Variants in ATAD2B observed in about 807,000 individuals in gnomAD.
The protein encoded by ATAD2B is ATPase family AAA domain containing 2B.
A neutral mutation model predicts 167.6 loss-of-function variants in ATAD2B; 40 were observed. That is an observed-to-expected ratio of 0.24 (90% CI 0.19 to 0.31). ATAD2B has a LOEUF of 0.31. Ranked by LOEUF, ATAD2B falls within the 10% of genes least tolerant of loss-of-function variation. ATAD2B has a pLI of 1.00. For missense variants in ATAD2B, 1,242 were observed against 1,757.2 expected, an observed-to-expected ratio of 0.71 and a Z score of 5.24; for synonymous variants, 579 against 596.5, an observed-to-expected ratio of 0.97 and a Z score of 0.43.
At chr2:23,774,284 T>C (rs1346071845) in intron 22 of ATAD2B, among the ~76,000 whole-genome samples, 1 of 152,088 alleles carries the variant, frequency 6.6e-6, no homozygotes, top group East Asian at 1.9e-4. Context: ...ATCCCATCTC[T>C]ACAAAAAATT....
chr2:23,731,538 C>G, the ATAD2B span, among the ~76,000 whole-genome samples: 1 of 152,168 alleles, frequency 6.6e-6, no homozygotes, highest in Non-Finnish European at 1.5e-5. Flanking sequence ...AGAGTTAAGT[C>G]TCTAGATCAG....
intron 22 of ATAD2B, among the ~76,000 whole-genome samples, chr2:23,772,429 A>T (rs939686154): frequency 6.6e-6 from 1 of 152,208 alleles, no homozygotes; most frequent in Non-Finnish European, 1.5e-5. Context: ...CAATGTTTGT[A>T]GCCTATGCAA....
At chr2:23,722,397 T>C in the ATAD2B span, among the ~76,000 whole-genome samples, 1 of 152,072 alleles carries the variant, frequency 6.6e-6, no homozygotes, top group Admixed American at 6.6e-5. Context: ...AAGAGGTAGT[T>C]AACACAAAGA....
intron 1 of ATAD2B, among the ~76,000 whole-genome samples, chr2:23,896,908 G>A (rs1332546201): frequency 6.6e-5 from 10 of 152,116 alleles, no homozygotes; most frequent in African/African-American, 2.4e-4. Context: ...AGGCCAAGGC[G>A]GGGCAGATCA....
intron 19 of ATAD2B, among the ~76,000 whole-genome samples, chr2:23,790,949 C>T (rs548659127): frequency 6.6e-6 from 1 of 152,212 alleles, no homozygotes; most frequent in East Asian, 1.9e-4. Context: ...TCAGGCCTAT[C>T]TGCAGTCAAT....
the ATAD2B span, chr2:23,684,541 T>G: frequency 6.5e-7 from 1 of 1,543,552 alleles, no homozygotes. The surrounding 1 kb of genome is among the most constrained non-coding windows in gnomAD (Gnocchi z 4.4). Flanking sequence ...TTCAAAGGTT[T>G]GCCTTCCTTC....
In ATAD2B at chr2:23,819,820, T is replaced by A. The variant is rs768880353; in HGVS notation, c.2194A>T (p.Asn732Tyr). The change falls in exon 17 of 28, where the codon AAT becomes TAT. Residue 732 changes from asparagine to tyrosine, a missense_variant. By Grantham distance (143) the Asn-to-Tyr change is moderately radical. This residue lies in a region of ATAD2B where 145 missense variants were observed against 181.9 expected (regional missense o/e 0.80). Coordinates refer to ENST00000238789, the MANE Select transcript of ATAD2B (RefSeq NM_017552.4). ...TTCTTTGGTGATCCTGAGTGACAAT[T>A]GGTCTCAAAAATTGATAAAGCATTT... ...DENALSIFET[N>Y]CHSGSPKKQS... The A allele has an allele frequency of 6.2e-7, 1 of 1,602,496 alleles. No homozygotes were observed. Among genetic ancestry groups the A allele is most frequent in the East Asian group, 2.2e-5 (1 of 44,708 alleles).
chr2:23,686,901 A>G, the ATAD2B span, among the ~76,000 whole-genome samples: 1 of 152,144 alleles, frequency 6.6e-6, no homozygotes, highest in Non-Finnish European at 1.5e-5. Flanking sequence ...GTTTGCAGCC[A>G]CAGAGCACAC....
intron 13 of ATAD2B, 144 bp from the exon 14 acceptor site, chr2:23,834,222 T>G (rs1689549403): frequency 1.9e-6 from 1 of 523,752 alleles, no homozygotes; most frequent in Non-Finnish European, 3.0e-6. Flanking sequence ...AGGGCAGTGG[T>G]GCAATCTCGG....
At position 23,810,472 on chromosome 2, in the gene ATAD2B, C is replaced by A; in HGVS notation, c.2298G>T (p.Arg766Ser). The A allele has an allele frequency of 6.2e-7, 1 of 1,613,700 alleles. No individual in the cohort carries two copies. The highest frequency in any genetic ancestry group is 8.5e-7 in the Non-Finnish European group (1 of 1,179,782). ...MSPYHQPTSY[R>S]PRLLLSGERG... ...GTTCTCCAGAGAGCAATAAGCGTGG[C>A]CTGTAAGAGGTTGGCTGATGATATG... Residue 766 changes from arginine to serine, a missense_variant, in exon 18 of 28, where the codon AGG (arginine) becomes AGT (serine). Arg to Ser is a moderately radical substitution (Grantham distance 110). Transcript: ENST00000238789.
chr2:23,692,770 A>T, the ATAD2B span, among the ~76,000 whole-genome samples: 3 of 152,094 alleles, frequency 2.0e-5, no homozygotes, highest in African/African-American at 7.2e-5. Context: ...AGCTGGCCAG[A>T]TGGACCCCAG....
chr2:23,910,345 A>AT (rs1198729284), intron 1 of ATAD2B, among the ~76,000 whole-genome samples: 5 of 150,228 alleles, frequency 3.3e-5, no homozygotes, highest in Non-Finnish European at 7.4e-5. Context: ...TGCTCAGCTA[A>AT]TTTTGTATTT....
the ATAD2B span, chr2:23,696,485 G>C: frequency 1.3e-6 from 2 of 1,541,086 alleles, no homozygotes; most frequent in Non-Finnish European, 1.8e-6. The surrounding 1 kb of genome is among the most constrained non-coding windows in gnomAD (Gnocchi z 5.5). Flanking sequence ...GGGACTTGGC[G>C]TGGCAGGCAA....
the ATAD2B span, among the ~76,000 whole-genome samples, chr2:23,709,704 G>C: frequency 6.6e-6 from 1 of 152,042 alleles, no homozygotes; most frequent in Non-Finnish European, 1.5e-5. Context: ...GAGAGAACTT[G>C]GCTGAGGCTT....
chr2:23,730,522 C>T, the ATAD2B span, among the ~76,000 whole-genome samples: 8 of 151,256 alleles, frequency 5.3e-5, no homozygotes, highest in East Asian at 2.0e-4. Context: ...AAAAATTAGC[C>T]GGGTGTGGTG....
At chr2:23,704,468 A>G in the ATAD2B span, among the ~76,000 whole-genome samples, 1 of 152,192 alleles carries the variant, frequency 6.6e-6, no homozygotes, top group African/African-American at 2.4e-5. Flanking sequence ...GGAACAAGGA[A>G]TAAAAAGGGG....
chr2:23,876,662 C>A (rs1176754838), intron 7 of ATAD2B, among the ~76,000 whole-genome samples: 1 of 151,906 alleles, frequency 6.6e-6, no homozygotes, highest in Non-Finnish European at 1.5e-5. Context: ...TGTCTAGAAG[C>A]AAAATGAAAA....
chr2:23,828,802 A>T, intron 15 of ATAD2B, 47 bp downstream of exon 15: 1 of 1,234,784 alleles, frequency 8.1e-7, no homozygotes, highest in Non-Finnish European at 1.2e-6. Flanking sequence ...AGGGAGGTTG[A>T]GCAGAACAAA....
Position 23,880,763 on chromosome 2 carries a change from C to T in ATAD2B, c.785-8G>A, listed in dbSNP as rs1449682653. On this transcript the variant is annotated splice_polypyrimidine_tract_variant and splice_region_variant and intron_variant, in intron 6 of 27. Transcript: ENST00000238789. ...CATCCTCCTCTTGAGATTCTAGTTT[C>T]CCACACACAAAAAGAAAAGAAAAAG... The T allele has an allele frequency of 2.7e-6, 4 of 1,503,164 alleles. No individual in the cohort carries two copies. The highest frequency in any genetic ancestry group is 3.7e-6 in the Non-Finnish European group (4 of 1,088,164). 93.1% of individuals were successfully genotyped at this position (1,503,164 alleles called of 1,614,324 possible). A position where few individuals can be genotyped will look rare whatever the true frequency, so the allele number is the denominator to read the frequency against.
Sources: allele counts gnomAD v4.1 joint callset (sites outside exome capture counted in the v4.1 genomes callset), GRCh38; gene constraint gnomAD v4.1.1; regional missense constraint gnomAD v4.1.1; non-coding constraint Gnocchi (gnomAD v3.1); transcripts MANE v1.5; gene names NCBI Gene and HGNC (gene_info 2026-07-23, HGNC 2026-07-21).